PITPNC1: variants seen among roughly 807,000 people sequenced by gnomAD.
The protein encoded by PITPNC1 is phosphatidylinositol transfer protein cytoplasmic 1.
A neutral mutation model predicts 44.7 loss-of-function variants in PITPNC1; 18 were observed. The ratio of observed to expected loss-of-function variants is 0.40; its 90% CI spans 0.28 to 0.60. PITPNC1 has a LOEUF of 0.60. Among genes scored for constraint, PITPNC1 ranks in the 20% least tolerant of loss-of-function variants. The pLI is 0.39. For synonymous variants in PITPNC1, 141 were observed against 149.6 expected, an observed-to-expected ratio of 0.94 and a Z score of 0.42; for missense variants, 290 against 418.4, an observed-to-expected ratio of 0.69 and a Z score of 2.68.
At chr17:67,679,231 C>T (rs1481496602) in intron 8 of PITPNC1, among the ~76,000 whole-genome samples, 3 of 152,152 alleles carry the variant, frequency 2.0e-5, no homozygotes, top group Admixed American at 6.5e-5. Context: ...CCAGCCTGGG[C>T]GATAGAGCGA....
At chr17:67,559,824 G>A (rs572601156) in intron 4 of PITPNC1, among the ~76,000 whole-genome samples, 31 of 152,196 alleles carry the variant, frequency 2.0e-4, no homozygotes, top group Admixed American at 1.1e-3. Flanking sequence ...GCAGTGAGCC[G>A]GGATCATGCC....
chr17:67,404,192 G>A (rs1265632282), intron 1 of PITPNC1, among the ~76,000 whole-genome samples: 2 of 152,118 alleles, frequency 1.3e-5, no homozygotes, highest in East Asian at 1.9e-4. Flanking sequence ...TACTGGAATG[G>A]TAACATTTCT....
At chr17:67,647,315 AG>A (rs1159164842) in intron 6 of PITPNC1, among the ~76,000 whole-genome samples, 3 of 151,974 alleles carry the variant, frequency 2.0e-5, no homozygotes, top group Non-Finnish European at 4.4e-5. Context: ...CTTTTACACA[AG>A]GTCTCACTTT....
At chr17:67,595,882 C>G (rs1215704533) in intron 5 of PITPNC1, among the ~76,000 whole-genome samples, 1 of 152,036 alleles carries the variant, frequency 6.6e-6, no homozygotes, top group Non-Finnish European at 1.5e-5. Context: ...GTCATAAATA[C>G]CTTTGGACTA....
chr17:67,380,356 T>C (rs549207980), intron 1 of PITPNC1, among the ~76,000 whole-genome samples: 1 of 152,310 alleles, frequency 6.6e-6, no homozygotes, highest in East Asian at 1.9e-4. Context: ...ATTACAGGCA[T>C]GAGCCACTGC....
At chr17:67,482,753 C>T (rs1260467613) in intron 1 of PITPNC1, among the ~76,000 whole-genome samples, 4 of 152,102 alleles carry the variant, frequency 2.6e-5, no homozygotes, top group Admixed American at 2.6e-4. Context: ...GCAAATAAGG[C>T]CCAGATTTGA....
intron 1 of PITPNC1, among the ~76,000 whole-genome samples, chr17:67,443,159 C>G (rs2143928154): frequency 6.6e-6 from 1 of 152,186 alleles, no homozygotes; most frequent in Middle Eastern, 3.4e-3. Context: ...GGCGCCTGCC[C>G]TGTCTGGCCC....
intron 1 of PITPNC1, among the ~76,000 whole-genome samples, chr17:67,424,786 C>T (rs933607328): frequency 1.3e-5 from 2 of 151,936 alleles, no homozygotes; most frequent in South Asian, 4.2e-4. Context: ...ACCTCCGCCT[C>T]CTAGGTTCAG....
chr17:67,458,532 G>C (rs1249718693), intron 1 of PITPNC1, among the ~76,000 whole-genome samples: 1 of 152,010 alleles, frequency 6.6e-6, no homozygotes. Context: ...TTTCACATCT[G>C]ACTCTTACTT....
chr17:67,464,489 G>A (rs2143982843), intron 1 of PITPNC1, among the ~76,000 whole-genome samples: 1 of 152,198 alleles, frequency 6.6e-6, no homozygotes, highest in East Asian at 1.9e-4. Flanking sequence ...AGTCCTCAAG[G>A]ACCCATAGGC....
At chr17:67,390,712 C>G (rs1295089236) in intron 1 of PITPNC1, among the ~76,000 whole-genome samples, 2 of 152,112 alleles carry the variant, frequency 1.3e-5, no homozygotes, top group Admixed American at 6.6e-5. Flanking sequence ...GGCAAATCTC[C>G]CAGGTGGCGT....
In PITPNC1 at chr17:67,377,286, A is replaced by G. The variant is rs893495440; in HGVS notation, c.-869A>G. On this transcript the variant is annotated 5_prime_UTR_variant, in exon 1 of 9. Transcript: ENST00000581322. ...CCTCGCTCGCGCTCGCTCCTCCCGC[A>G]CCCACCTCCCGGCCCCAGGCACACT... 1 of 152,132 alleles carries G rather than the reference A, an allele frequency of 6.6e-6. No individual in the cohort carries two copies. The highest frequency in any genetic ancestry group is 2.4e-5 in the African/African-American group (1 of 41,392). The allele number at this position is 152,132 out of a possible 1,614,324, so 9.4% of individuals were successfully genotyped here.
At chr17:67,609,288 C>CTT (rs34987217) in intron 5 of PITPNC1, among the ~76,000 whole-genome samples, 12 of 114,284 alleles carry the variant, frequency 1.1e-4, no homozygotes, top group African/African-American at 1.9e-4. Context: ...CTTCTTCTTC[C>CTT]TTTTTTTTTT....
chr17:67,412,718 C>G (rs1567980037), intron 1 of PITPNC1, among the ~76,000 whole-genome samples: 1 of 152,136 alleles, frequency 6.6e-6, no homozygotes, highest in Non-Finnish European at 1.5e-5. Flanking sequence ...AGGCGCCCAC[C>G]ACCACGCCTG....
chr17:67,620,733 G>C (rs2041819096), intron 5 of PITPNC1, among the ~76,000 whole-genome samples: 1 of 152,180 alleles, frequency 6.6e-6, no homozygotes, highest in African/African-American at 2.4e-5. Flanking sequence ...AGACGATCCG[G>C]CCTAACCCTG....
intron 8 of PITPNC1, chr17:67,687,105 T>C (rs2042830230): frequency 6.2e-7 from 1 of 1,612,258 alleles, no homozygotes; most frequent in Non-Finnish European, 8.5e-7. Context: ...GAGAAAAACA[T>C]GCATGAACAA....
chr17:67,480,456 G>A lies in PITPNC1; in HGVS notation c.49-52346G>A, dbSNP rs368189305. On this transcript the variant is annotated intron_variant, in intron 1 of 8. Coordinates refer to ENST00000581322, the MANE Select transcript of PITPNC1 (RefSeq NM_012417.4). ...AATTTTTGCAAGGAGACAACTCAAC[G>A]TCCAACAATGAAAGACTGGTTAGAT... Among the ~76,000 whole-genome samples, 14 of 152,262 alleles carry A rather than the reference G, an allele frequency of 9.2e-5. No homozygotes were observed. The South Asian group carries it at 1.9e-3, about 20-fold the overall frequency.
chr17:67,408,425 G>A (rs1042985663), intron 1 of PITPNC1, among the ~76,000 whole-genome samples: 6 of 152,072 alleles, frequency 3.9e-5, no homozygotes, highest in Non-Finnish European at 4.4e-5. Context: ...AGCTACTCTG[G>A]AGGCTGAGGC....
chr17:67,401,681 T>C (rs537926192), intron 1 of PITPNC1, among the ~76,000 whole-genome samples: 6 of 151,976 alleles, frequency 3.9e-5, no homozygotes, highest in African/African-American at 1.4e-4. Context: ...CCATCTCCAC[T>C]AAAAATACAA....
Sources: allele counts gnomAD v4.1 joint callset (sites outside exome capture counted in the v4.1 genomes callset), GRCh38; gene constraint gnomAD v4.1.1; transcripts MANE v1.5; gene names NCBI Gene and HGNC (gene_info 2026-07-23, HGNC 2026-07-21).